Variants in RNF13 observed in about 807,000 individuals in gnomAD.
The protein encoded by RNF13 is E3 ubiquitin-protein ligase RNF13.
A neutral mutation model predicts 37.7 loss-of-function variants in RNF13; 19 were observed. The ratio of observed to expected loss-of-function variants is 0.50; its 90% CI spans 0.35 to 0.74. RNF13 has a LOEUF of 0.74. Among genes scored for constraint, RNF13 ranks in the 30% least tolerant of loss-of-function variants. The pLI, the probability that RNF13 is intolerant of heterozygous loss-of-function variation, is 0.01. For synonymous variants in RNF13, 144 were observed against 157.8 expected (o/e 0.91, Z 0.65); for missense variants, 375 against 453.0 (o/e 0.83, Z 1.56).
chr3:149,917,886 CTT>C (rs1293726953), intron 7 of RNF13, among the ~76,000 whole-genome samples: 2 of 152,128 alleles, frequency 1.3e-5, no homozygotes, highest in Admixed American at 1.3e-4. Flanking sequence ...ATTAATGTAA[CTT>C]AAAATTAACT....
At chr3:149,941,889 A>ATATTTATTTATT (rs58521010) in intron 8 of RNF13, among the ~76,000 whole-genome samples, 88,346 of 144,040 alleles carry the variant, frequency 0.61, 27,682 homozygotes, top group Non-Finnish European at 0.65. Context: ...GTCCAGCTTA[A>ATATTTATTTATT]TATTTATTTA....
At chr3:149,828,834 T>A (rs1398637360) in intron 1 of RNF13, among the ~76,000 whole-genome samples, 1 of 152,200 alleles carries the variant, frequency 6.6e-6, no homozygotes, top group Non-Finnish European at 1.5e-5. Flanking sequence ...GGAACTTTTT[T>A]AAAAGTCAAA....
intron 8 of RNF13, among the ~76,000 whole-genome samples, chr3:149,944,849 A>G (rs1439101567): frequency 1.3e-5 from 2 of 152,032 alleles, no homozygotes; most frequent in Non-Finnish European, 2.9e-5. Context: ...TTTTGTTGCC[A>G]TTGCTTTTGG....
chr3:149,822,860 T>A (rs960588122), intron 1 of RNF13, among the ~76,000 whole-genome samples: 4 of 152,146 alleles, frequency 2.6e-5, no homozygotes, highest in Non-Finnish European at 2.9e-5. Flanking sequence ...CAGAGATCCA[T>A]GAATAATAAA....
At chr3:149,881,743 C>T (rs1022072683) in intron 4 of RNF13, among the ~76,000 whole-genome samples, 9 of 152,008 alleles carry the variant, frequency 5.9e-5, no homozygotes, top group African/African-American at 2.2e-4. Context: ...TTTTACTAGC[C>T]CTACCAAAAA....
chr3:149,829,966 C>T (rs987841860), intron 1 of RNF13, among the ~76,000 whole-genome samples: 3 of 151,430 alleles, frequency 2.0e-5, no homozygotes, highest in Admixed American at 2.0e-4. Context: ...TGCACATGCT[C>T]TCTTGCTTGC....
At chr3:149,881,339 G>T (rs1340667978) in intron 4 of RNF13, among the ~76,000 whole-genome samples, 1 of 150,750 alleles carries the variant, frequency 6.6e-6, no homozygotes, top group African/African-American at 2.4e-5. Context: ...AAAGATCTTT[G>T]TTTTTTTTTG....
In RNF13 at chr3:149,917,158, G is replaced by A. The variant is rs115137383; in HGVS notation, c.607-3976G>A. Reference sequence around the variant, plus strand: ...TGTCTTATCTGACACTTTAGGAAGGGCAAATTGGGCACACTTGGTTCAGCT... The same window carrying A: ...TGTCTTATCTGACACTTTAGGAAGGACAAATTGGGCACACTTGGTTCAGCT... On this transcript the variant is annotated intron_variant, in intron 7 of 9. Coordinates refer to ENST00000392894, the MANE Select transcript of RNF13 (RefSeq NM_183381.3). Among the ~76,000 whole-genome samples the A allele has an allele frequency of 9.2e-3, 1,399 of 152,124 alleles. 23 individuals are homozygous for A. Among genetic ancestry groups the A allele is most frequent in the African/African-American group, 0.032 (1,334 of 41,478 alleles).
At chr3:149,867,361 G>C (rs756736466) in intron 3 of RNF13, among the ~76,000 whole-genome samples, 113 of 151,712 alleles carry the variant, frequency 7.4e-4, no homozygotes, top group Non-Finnish European at 1.3e-3. Flanking sequence ...CGCCTCCCGG[G>C]TTCACACCAT....
intron 1 of RNF13, among the ~76,000 whole-genome samples, chr3:149,838,048 A>G (rs775038417): frequency 5.3e-5 from 8 of 152,202 alleles, no homozygotes; most frequent in Non-Finnish European, 1.2e-4. Context: ...ATGCAAGTCC[A>G]AAATCCAGCG....
intron 4 of RNF13, among the ~76,000 whole-genome samples, chr3:149,884,750 A>G (rs1210746768): frequency 6.6e-6 from 1 of 152,142 alleles, no homozygotes; most frequent in Non-Finnish European, 1.5e-5. Flanking sequence ...TTTGTGTTAC[A>G]TACAATTCAG....
intron 4 of RNF13, among the ~76,000 whole-genome samples, chr3:149,887,042 T>C (rs879858349): frequency 1.3e-5 from 2 of 152,212 alleles, no homozygotes; most frequent in African/African-American, 4.8e-5. Context: ...ATTTCAGTAC[T>C]TTTAAAGTTA....
At position 149,853,443 on chromosome 3, in the gene RNF13, A is replaced by AGAGAGAGG. The variant is rs1723297083; in HGVS notation, c.195+854_195+855insGGAGAGAG. ...AAACATATTTTTTGCTGTGTGTGTGAGAGAGAGAGAGGGAGAGAGAGAGAG... is the reference window on the plus strand; with the variant it reads ...AAACATATTTTTTGCTGTGTGTGTGAGAGAGAGGGAGAGAGAGAGGGAGAGAGAGAGAG... On this transcript the variant is annotated intron_variant, in intron 3 of 9. Transcript: ENST00000392894. Among the ~76,000 whole-genome samples the AGAGAGAGG allele has an allele frequency of 2.3e-5, 3 of 131,100 alleles. No individual in the cohort carries two copies. In the Admixed American group the frequency reaches 2.5e-4, roughly 11 times the overall value. 86.0% of individuals were successfully genotyped at this position (131,100 alleles called of 152,430 possible).
chr3:149,849,823 A>G (rs111773386), intron 2 of RNF13, among the ~76,000 whole-genome samples: 6 of 152,190 alleles, frequency 3.9e-5, no homozygotes, highest in Non-Finnish European at 8.8e-5. Context: ...ATTGTTAGAT[A>G]TTTATTACTT....
chr3:149,875,701 C>G (rs1356428958), intron 4 of RNF13, among the ~76,000 whole-genome samples: 1 of 152,030 alleles, frequency 6.6e-6, no homozygotes, highest in Non-Finnish European at 1.5e-5. Context: ...AACCCATGCT[C>G]AGAATGAATG....
intron 1 of RNF13, among the ~76,000 whole-genome samples, chr3:149,831,361 C>T (rs913985518): frequency 7.9e-5 from 12 of 152,174 alleles, no homozygotes; most frequent in African/African-American, 2.9e-4. Flanking sequence ...CAGAACTGCC[C>T]AAGTCTGCGG....
intron 1 of RNF13, among the ~76,000 whole-genome samples, chr3:149,835,691 G>A (rs1721549989): frequency 6.6e-6 from 1 of 151,712 alleles, no homozygotes; most frequent in African/African-American, 2.4e-5. Flanking sequence ...GTGTATGTGT[G>A]TACCACAATT....
At chr3:149,888,237 C>T (rs142799186) in intron 4 of RNF13, among the ~76,000 whole-genome samples, 316 of 152,174 alleles carry the variant, frequency 2.1e-3, no homozygotes, top group African/African-American at 6.8e-3. Context: ...TTATTCTGCA[C>T]GCATTACTGT....
intron 1 of RNF13, among the ~76,000 whole-genome samples, chr3:149,815,495 A>G (rs1333931157): frequency 6.6e-6 from 1 of 152,226 alleles, no homozygotes; most frequent in Non-Finnish European, 1.5e-5. Context: ...TGTTTACCAT[A>G]TGGCATTGCA....
Sources: gnomAD v4.1 joint callset for allele counts (sites outside exome capture counted in the v4.1 genomes callset) on GRCh38, gnomAD v4.1.1 for gene constraint, MANE v1.5 for transcripts, NCBI Gene and HGNC (gene_info 2026-07-23, HGNC 2026-07-21) for gene names.